The following H2BC26 variants were observed in gnomAD, a reference collection of about 807,000 sequenced individuals.
The protein encoded by H2BC26 is H2B clustered histone 26.
the H2BC26 span, chr1:228,458,544 T>C: frequency 6.2e-7 from 1 of 1,613,766 alleles, no homozygotes; most frequent in Non-Finnish European, 8.5e-7. Context: ...CAAAGGCTCT[T>C]TTCAGAGCCA....
the H2BC26 span, chr1:228,458,188 C>G: frequency 1.2e-6 from 2 of 1,613,904 alleles, no homozygotes; most frequent in East Asian, 2.2e-5. Context: ...AAGGCTGTCA[C>G]CAAGGCACAG....
At chr1:228,458,500 G>A in the H2BC26 span, 1 of 1,614,210 alleles carries the variant, frequency 6.2e-7, no homozygotes, top group East Asian at 2.2e-5. Context: ...AAGTACACCA[G>A]CTCCAAGTGA....
chr1:228,458,156 T>C, the H2BC26 span: 1 of 1,610,700 alleles, frequency 6.2e-7, no homozygotes, highest in Non-Finnish European at 8.5e-7. Flanking sequence ...AATCGGCTCC[T>C]GCGCCCAAGA....
the H2BC26 span, chr1:228,458,534 C>T: frequency 1.6e-5 from 26 of 1,614,058 alleles, no homozygotes; most frequent in East Asian, 2.2e-5. Flanking sequence ...GTCCTGAACC[C>T]AAAGGCTCTT....
At chr1:228,458,204 G>C in the H2BC26 span, 10 of 1,613,994 alleles carry the variant, frequency 6.2e-6, no homozygotes, top group African/African-American at 1.3e-4. Flanking sequence ...CACAGAAGAA[G>C]GACGGCAAGA....
the H2BC26 span, chr1:228,458,259 A>C: frequency 5.6e-6 from 9 of 1,614,186 alleles, no homozygotes; most frequent in Non-Finnish European, 5.9e-6. Context: ...CTACGTGTAC[A>C]AGGTGCTGAA....
At chr1:228,458,123 A>G in the H2BC26 span, 1 of 1,579,466 alleles carries the variant, frequency 6.3e-7, no homozygotes, top group South Asian at 1.2e-5. Flanking sequence ...GGAGAGACTC[A>G]GCCATCATGC....
chr1:228,458,240 C>T, the H2BC26 span: 1 of 1,614,230 alleles, frequency 6.2e-7, no homozygotes, highest in Non-Finnish European at 8.5e-7. Flanking sequence ...GCAAGGAGAG[C>T]TATTCTATCT....
At chr1:228,458,126 C>T in the H2BC26 span, 96 of 1,585,704 alleles carry the variant, frequency 6.1e-5, no homozygotes, top group Non-Finnish European at 7.5e-5. Flanking sequence ...GAGACTCAGC[C>T]ATCATGCCAG....
the H2BC26 span, chr1:228,458,529 G>C: frequency 6.2e-7 from 1 of 1,614,076 alleles, no homozygotes; most frequent in African/African-American, 1.3e-5. Flanking sequence ...TCGGCGTCCT[G>C]AACCCAAAGG....
At chr1:228,458,134 C>CT in the H2BC26 span, 184 of 1,602,604 alleles carry the variant, frequency 1.1e-4, 1 homozygote, top group Non-Finnish European at 1.4e-4. Context: ...GCCATCATGC[C>CT]AGACCCGTCC....
the H2BC26 span, chr1:228,458,528 T>A: frequency 6.2e-7 from 1 of 1,614,078 alleles, no homozygotes; most frequent in Non-Finnish European, 8.5e-7. Context: ...CTCGGCGTCC[T>A]GAACCCAAAG....
the H2BC26 span, chr1:228,458,393 C>T: frequency 1.2e-6 from 2 of 1,614,172 alleles, no homozygotes; most frequent in South Asian, 1.1e-5. Flanking sequence ...ACAAGCGCTC[C>T]ACCATCACGT....
chr1:228,458,375 A>G, the H2BC26 span: 299 of 1,614,060 alleles, frequency 1.9e-4, no homozygotes, highest in Non-Finnish European at 2.3e-4. Flanking sequence ...CCCGCCTGGC[A>G]CACTACAACA....
At chr1:228,458,337 A>G in the H2BC26 span, 18 of 1,614,090 alleles carry the variant, frequency 1.1e-5, no homozygotes, top group East Asian at 2.5e-4. Flanking sequence ...CGTCAATGAC[A>G]TCTTCGAGCG....
the H2BC26 span, chr1:228,458,405 C>G: frequency 6.2e-7 from 1 of 1,614,234 alleles, no homozygotes; most frequent in Non-Finnish European, 8.5e-7. Flanking sequence ...CCATCACGTC[C>G]CGCGAAGTGC....
At chr1:228,458,119 A>G in the H2BC26 span, 2 of 1,577,384 alleles carry the variant, frequency 1.3e-6, no homozygotes, top group Non-Finnish European at 1.7e-6. Context: ...GTTTGGAGAG[A>G]CTCAGCCATC....
the H2BC26 span, chr1:228,458,252 C>A: frequency 6.2e-7 from 1 of 1,614,228 alleles, no homozygotes; most frequent in Non-Finnish European, 8.5e-7. Flanking sequence ...ATTCTATCTA[C>A]GTGTACAAGG....
At chr1:228,458,138 C>G in the H2BC26 span, 2 of 1,604,522 alleles carry the variant, frequency 1.2e-6, no homozygotes, top group East Asian at 2.2e-5. Flanking sequence ...TCATGCCAGA[C>G]CCGTCCAAAT....
Sources: gnomAD v4.1 joint callset for allele counts on GRCh38, gnomAD v4.1.1 for gene constraint, MANE v1.5 for transcripts, NCBI Gene and HGNC (gene_info 2026-07-23, HGNC 2026-07-21) for gene names.